Variants in GPHN observed in about 807,000 individuals in gnomAD.
GPHN encodes gephyrin.
In GPHN, 17 loss-of-function variants were observed where a neutral mutation model predicts 95.5. That is an observed-to-expected ratio of 0.18 (90% CI 0.12 to 0.27). GPHN has a LOEUF of 0.27. GPHN is among the 10% of genes least tolerant of loss of function. GPHN has a pLI of 1.00. For missense variants in GPHN, 660 were observed against 978.1 expected, an observed-to-expected ratio of 0.67 and a Z score of 4.34; for synonymous variants, 320 against 322.5, an observed-to-expected ratio of 0.99 and a Z score of 0.08.
intron 1 of GPHN, among the ~76,000 whole-genome samples, chr14:66,608,949 A>G (rs373216355): frequency 3.4e-4 from 52 of 152,164 alleles, no homozygotes; most frequent in African/African-American, 1.2e-3. Flanking sequence ...TTGCCATCCT[A>G]TGCCTTTTAA....
the GPHN span, among the ~76,000 whole-genome samples, chr14:67,225,962 TGCGCGCGC>T: frequency 7.9e-5 from 9 of 113,490 alleles, no homozygotes; most frequent in South Asian, 8.9e-4. Context: ...TGTGTGTGTG[TGCGCGCGC>T]GCGCGTGCGC....
intron 1 of GPHN, among the ~76,000 whole-genome samples, chr14:66,647,164 C>G (rs117070003): frequency 4.6e-5 from 7 of 151,328 alleles, no homozygotes; most frequent in Admixed American, 1.3e-4. Context: ...CCTTGGCCCC[C>G]CAAAGTTCTG....
the GPHN span, among the ~76,000 whole-genome samples, chr14:67,424,819 G>A: frequency 5.3e-4 from 80 of 152,126 alleles, no homozygotes; most frequent in Middle Eastern, 3.4e-3. Flanking sequence ...ACATGCCCAC[G>A]GCTATGCTTC....
Position 66,508,420 on chromosome 14 carries a change from C to G in GPHN, c.-108C>G. ...CCTTCCCCGCTCTCCTCGCGCTTCT[C>G]TGGCTCCCTAGCTGTCGCGCTCTCC... On this transcript the variant is annotated 5_prime_UTR_variant, in exon 1 of 23. Transcript: ENST00000478722. 1 of 979,682 alleles carries G rather than the reference C, an allele frequency of 1.0e-6. No individual in the cohort carries two copies. The allele number at this position is 979,682 out of a possible 1,614,324, so 60.7% of individuals were successfully genotyped here.
At chr14:66,998,318 G>C (rs1273576986) in intron 9 of GPHN, among the ~76,000 whole-genome samples, 2 of 152,044 alleles carry the variant, frequency 1.3e-5, no homozygotes, top group Non-Finnish European at 2.9e-5. Flanking sequence ...CCACATCTCT[G>C]TGGTCTCCAT....
chr14:67,288,033 C>T, the GPHN span, among the ~76,000 whole-genome samples: 1 of 152,118 alleles, frequency 6.6e-6, no homozygotes, highest in Admixed American at 6.5e-5. Context: ...GTGGTGAAAT[C>T]TGAGGCCCTC....
chr14:66,808,861 A>G (rs575772547), intron 3 of GPHN, among the ~76,000 whole-genome samples: 3 of 152,338 alleles, frequency 2.0e-5, no homozygotes, highest in East Asian at 3.9e-4. Flanking sequence ...ACAGTGACCA[A>G]TTCCAACCAG....
At chr14:67,372,126 TA>T in the GPHN span, among the ~76,000 whole-genome samples, 25 of 150,630 alleles carry the variant, frequency 1.7e-4, no homozygotes, top group Admixed American at 2.0e-4. Context: ...TCTTTTTATT[TA>T]AAAAAAAAAT....
At chr14:67,734,235 T>C in the GPHN span, 4 of 246,462 alleles carry the variant, frequency 1.6e-5, no homozygotes, top group South Asian at 2.2e-4. Context: ...CTAGGGGCTA[T>C]ACACTCCAAC....
chr14:67,204,661 A>G, the GPHN span: 3 of 1,613,874 alleles, frequency 1.9e-6, no homozygotes, highest in South Asian at 1.1e-5. Flanking sequence ...TAAACAGGAC[A>G]CCTTGTTTTC....
At chr14:66,889,682 C>G (rs1320000338) in intron 5 of GPHN, among the ~76,000 whole-genome samples, 1 of 151,782 alleles carries the variant, frequency 6.6e-6, no homozygotes, top group Non-Finnish European at 1.5e-5. Flanking sequence ...AAACAGCAGT[C>G]TCATGTATAA....
the GPHN span, among the ~76,000 whole-genome samples, chr14:67,355,819 C>G: frequency 1.3e-5 from 2 of 151,360 alleles, no homozygotes; most frequent in African/African-American, 4.9e-5. Context: ...AAGGTGAAAC[C>G]CTGTCTCTAC....
intron 4 of GPHN, among the ~76,000 whole-genome samples, chr14:66,838,225 C>T (rs1403555743): frequency 2.0e-5 from 3 of 151,998 alleles, no homozygotes; most frequent in Admixed American, 1.3e-4. Context: ...AGGGTACTTA[C>T]GTTATGTAAA....
intron 8 of GPHN, among the ~76,000 whole-genome samples, chr14:66,954,393 G>A (rs1434781832): frequency 6.6e-6 from 1 of 152,058 alleles, no homozygotes; most frequent in Non-Finnish European, 1.5e-5. Context: ...TGATGCTATT[G>A]TAAATGGACT....
the GPHN span, among the ~76,000 whole-genome samples, chr14:67,655,778 G>A: frequency 6.6e-6 from 1 of 152,168 alleles, no homozygotes; most frequent in Admixed American, 6.5e-5. Context: ...TATTTCTCTT[G>A]CCAAAGAGAG....
the GPHN span, among the ~76,000 whole-genome samples, chr14:67,462,681 C>T: frequency 4.4e-4 from 67 of 152,290 alleles, no homozygotes; most frequent in Non-Finnish European, 7.2e-4. Flanking sequence ...AGGGGCACCT[C>T]GTGGAGTCAA....
At chr14:66,752,535 A>G (rs912633242) in intron 2 of GPHN, among the ~76,000 whole-genome samples, 2 of 152,132 alleles carry the variant, frequency 1.3e-5, no homozygotes, top group African/African-American at 4.8e-5. Context: ...TCGAGCAGTC[A>G]GAACACACAC....
At chr14:66,762,479 A>G (rs1345229628) in intron 2 of GPHN, among the ~76,000 whole-genome samples, 2 of 152,018 alleles carry the variant, frequency 1.3e-5, no homozygotes, top group South Asian at 2.1e-4. Flanking sequence ...CTGAAGAACA[A>G]TCTTGTCTTT....
chr14:67,420,934 A>T, the GPHN span, among the ~76,000 whole-genome samples: 1 of 152,248 alleles, frequency 6.6e-6, no homozygotes, highest in African/African-American at 2.4e-5. Context: ...TAAAGTACAG[A>T]TCTGATTCTG....
Sources: gnomAD v4.1 joint callset for allele counts (sites outside exome capture counted in the v4.1 genomes callset) on GRCh38, gnomAD v4.1.1 for gene constraint, MANE v1.5 for transcripts, NCBI Gene and HGNC (gene_info 2026-07-23, HGNC 2026-07-21) for gene names.